SLC35F1: variants seen among roughly 807,000 people sequenced by gnomAD.
The protein encoded by SLC35F1 is solute carrier family 35 member F1, also known as chromosome 6 open reading frame 169.
Under a neutral mutation model 48.7 loss-of-function variants are expected in SLC35F1, and 14 were observed. The observed-to-expected ratio is 0.29, with a 90% confidence interval of 0.19 to 0.45. The LOEUF (loss-of-function observed/expected upper bound fraction) is 0.45, where lower values mean the gene tolerates loss of function less well. SLC35F1 is among the 20% of genes least tolerant of loss of function. SLC35F1 has a pLI of 1.00. For missense variants in SLC35F1, 404 were observed against 500.0 expected (o/e 0.81, Z 1.83); for synonymous variants, 190 against 202.2 (o/e 0.94, Z 0.51).
chr6:118,096,352 G>C (rs9385035), intron 1 of SLC35F1, among the ~76,000 whole-genome samples: 84,869 of 152,040 alleles, frequency 0.56, 24,722 homozygotes, highest in East Asian at 0.86. Context: ...AGAATCCAGT[G>C]AATGTGAGTT....
At chr6:117,997,801 T>C (rs1038644951) in intron 1 of SLC35F1, among the ~76,000 whole-genome samples, 1 of 152,110 alleles carries the variant, frequency 6.6e-6, no homozygotes, top group African/African-American at 2.4e-5. Context: ...GAACAACCGG[T>C]ACCAGCCACT....
In SLC35F1 at chr6:117,914,681, AG is replaced by A. The variant is rs537540011; in HGVS notation, c.173+6783del. Among the ~76,000 whole-genome samples the A allele has an allele frequency of 2.6e-3, 403 of 152,362 alleles. 1 individual carries two copies. The highest frequency in any genetic ancestry group is 5.6e-3 in the Admixed American group (86 of 15,308). The stretch of plus-strand genomic sequence containing the variant: ...ATCAAGGGAGCAATTTAACTAAAAT[AG>A]AAATAAAGATAACATATACCTCTCA... On this transcript the variant is annotated intron_variant, in intron 1 of 7. Transcript: ENST00000360388.
intron 1 of SLC35F1, among the ~76,000 whole-genome samples, chr6:117,949,960 C>A (rs1283188379): frequency 1.3e-5 from 2 of 152,094 alleles, no homozygotes; most frequent in Non-Finnish European, 2.9e-5. Context: ...GTCCCCCACC[C>A]ACTCTGGGCA....
At chr6:118,116,104 T>C (rs1773472687) in intron 1 of SLC35F1, among the ~76,000 whole-genome samples, 2 of 152,180 alleles carry the variant, frequency 1.3e-5, no homozygotes, top group African/African-American at 2.4e-5. Flanking sequence ...TTTCAAACTG[T>C]CCTTTTGTAT....
rs769270401 is a variant in SLC35F1, at chr6:118,154,603, C to T, written c.332C>T (p.Thr111Ile). 6.2e-7 allele frequency: 1 copy of T among 1,610,622 alleles called. No individual in the cohort carries two copies. ...CTTCTCTTCTTGGTCTATACCACCA[C>T]ACTAGCCGTCAGACAAGGTAAGCTC... Reference protein sequence around the residue: ...YILLFLVYTTTLAVRQGEENL... With the variant: ...YILLFLVYTTILAVRQGEENL... The change falls in exon 2 of 8, where the codon ACA becomes ATA. Residue 111 changes from threonine to isoleucine, a missense_variant. Thr to Ile is a moderately conservative substitution (Grantham distance 89). Coordinates refer to ENST00000360388, the MANE Select transcript of SLC35F1 (RefSeq NM_001029858.4).
intron 1 of SLC35F1, among the ~76,000 whole-genome samples, chr6:117,999,762 G>T (rs951146410): frequency 3.8e-4 from 58 of 151,334 alleles, no homozygotes; most frequent in Non-Finnish European, 6.8e-4. Flanking sequence ...AATGATAAAG[G>T]GGATATCACC....
At chr6:118,047,227 G>C (rs1478266916) in intron 1 of SLC35F1, among the ~76,000 whole-genome samples, 1 of 152,122 alleles carries the variant, frequency 6.6e-6, no homozygotes, top group Admixed American at 6.6e-5. Flanking sequence ...GTCAAGGTGG[G>C]ATGTGGCAAT....
At position 118,275,620 on chromosome 6, in the gene SLC35F1, G is replaced by A; in HGVS notation, c.794+5G>A. On this transcript the variant is annotated splice_donor_5th_base_variant and intron_variant, in intron 5 of 7. Coordinates refer to ENST00000360388, the MANE Select transcript of SLC35F1 (RefSeq NM_001029858.4). The stretch of plus-strand genomic sequence containing the variant: ...ATTTTTCAGTGGAATTCAATTGTGA[G>A]TAAAAATAACAAGAAATATAGATAG... 1 of 1,613,044 alleles carries A rather than the reference G, an allele frequency of 6.2e-7. No individual in the cohort carries two copies. The highest frequency in any genetic ancestry group is 8.5e-7 in the Non-Finnish European group (1 of 1,179,506).
Position 118,275,488 on chromosome 6 carries a change from G to A in SLC35F1, c.667G>A (p.Val223Ile). 2 of 1,613,594 alleles carry A rather than the reference G, an allele frequency of 1.2e-6. No homozygotes were observed. Among genetic ancestry groups the A allele is most frequent in the East Asian group, 2.2e-5 (1 of 44,818 alleles). Reference sequence around the variant, plus strand: ...AAATAAGCTGGTAGGGGACCTTCTGGTCTTAGGAGGAGCCACACTCTATGG... The same window carrying A: ...AAATAAGCTGGTAGGGGACCTTCTGATCTTAGGAGGAGCCACACTCTATGG... ...GENKLVGDLL[V>I]LGGATLYGIS... is the part of the protein sequence containing the mutation. The change falls in exon 5 of 8, where the codon GTC becomes ATC. Residue 223 changes from valine to isoleucine, a missense_variant. Physicochemically the swap from Val to Ile is conservative, Grantham distance 29. Coordinates refer to ENST00000360388, the MANE Select transcript of SLC35F1 (RefSeq NM_001029858.4).
chr6:117,917,990 G>A (rs1365098635), intron 1 of SLC35F1, among the ~76,000 whole-genome samples: 2 of 152,116 alleles, frequency 1.3e-5, no homozygotes, highest in Non-Finnish European at 2.9e-5. Flanking sequence ...TTTCCAGAAG[G>A]AGGCAATAAG....
intron 1 of SLC35F1, among the ~76,000 whole-genome samples, chr6:118,136,784 ATC>A (rs1269002118): frequency 2.6e-5 from 4 of 152,212 alleles, no homozygotes; most frequent in African/African-American, 7.2e-5. Flanking sequence ...AGTGCCTCTC[ATC>A]TCTCTCACTA....
chr6:118,062,279 T>G (rs1367810057), intron 1 of SLC35F1, among the ~76,000 whole-genome samples: 1 of 152,162 alleles, frequency 6.6e-6, no homozygotes, highest in African/African-American at 2.4e-5. Context: ...AGGTCACATA[T>G]TTTCAAAATG....
intron 1 of SLC35F1, among the ~76,000 whole-genome samples, chr6:117,934,667 A>C (rs1487931242): frequency 6.6e-6 from 1 of 152,234 alleles, no homozygotes; most frequent in East Asian, 1.9e-4. Context: ...GAATTAGACA[A>C]ACCATTATAT....
intron 6 of SLC35F1, 78 bp from the exon 7 acceptor site, chr6:118,285,106 C>T: frequency 6.6e-7 from 1 of 1,512,418 alleles, no homozygotes; most frequent in South Asian, 1.2e-5. Context: ...GTGCACTCTT[C>T]CCCTTCTTTC....
At chr6:118,124,823 A>G (rs116368262) in intron 1 of SLC35F1, among the ~76,000 whole-genome samples, 1,976 of 152,298 alleles carry the variant, frequency 0.013, 34 homozygotes, top group African/African-American at 0.044. Flanking sequence ...AACCTGAACT[A>G]TAAAAAAAGA....
chr6:118,022,266 C>T (rs1236538469), intron 1 of SLC35F1, among the ~76,000 whole-genome samples: 4 of 152,100 alleles, frequency 2.6e-5, no homozygotes, highest in Non-Finnish European at 5.9e-5. Context: ...AGGACTAATC[C>T]GGAAGTTTTG....
rs536853047 is a variant in SLC35F1, at chr6:118,237,681, G to A, written c.477+2045G>A. Among the ~76,000 whole-genome samples, 192 of 152,134 alleles carry A rather than the reference G, an allele frequency of 1.3e-3. 1 individual carries two copies. The highest frequency in any genetic ancestry group is 2.3e-3 in the Non-Finnish European group (154 of 67,976). On this transcript the variant is annotated intron_variant, in intron 3 of 7. Transcript: ENST00000360388. The stretch of plus-strand genomic sequence containing the variant: ...CTGGGATTACAGGCATGAGCCACAC[G>A]CCCAGCCCGTATGTCTTCTTTAACA...
intron 2 of SLC35F1, among the ~76,000 whole-genome samples, chr6:118,176,711 T>C (rs1422413922): frequency 1.3e-5 from 2 of 152,152 alleles, no homozygotes. Context: ...CCTTACAAGG[T>C]ACATTCATTT....
chr6:118,083,683 T>G (rs879872227), intron 1 of SLC35F1, among the ~76,000 whole-genome samples: 4 of 152,172 alleles, frequency 2.6e-5, no homozygotes, highest in Admixed American at 6.5e-5. Flanking sequence ...CAAGAATGTT[T>G]TGTGGTGGAT....
Sources: gnomAD v4.1 joint callset for allele counts (sites outside exome capture counted in the v4.1 genomes callset) on GRCh38, gnomAD v4.1.1 for gene constraint, MANE v1.5 for transcripts, NCBI Gene and HGNC (gene_info 2026-07-23, HGNC 2026-07-21) for gene names.